ATF6: variants seen among roughly 807,000 people sequenced by gnomAD.
ATF6 encodes the protein cyclic AMP-dependent transcription factor ATF-6 alpha.
A neutral mutation model predicts 83.6 loss-of-function variants in ATF6; 53 were observed. The ratio of observed to expected loss-of-function variants is 0.63; its 90% CI spans 0.51 to 0.80. The LOEUF is 0.80. Among genes scored for constraint, ATF6 ranks in the 30% least tolerant of loss-of-function variants. The pLI, the probability that ATF6 is intolerant of heterozygous loss-of-function variation, is 0.00. For synonymous variants in ATF6, 288 were observed against 285.8 expected (o/e 1.01, Z -0.08); for missense variants, 744 against 797.9 (o/e 0.93, Z 0.81).
chr1:161,872,151 G>A (rs1687136425), intron 14 of ATF6, among the ~76,000 whole-genome samples: 1 of 151,574 alleles, frequency 6.6e-6, no homozygotes, highest in Non-Finnish European at 1.5e-5. Flanking sequence ...AGAACCTGAG[G>A]CAGTCGTGTC....
At chr1:161,799,919 C>T (rs1458371370) in intron 6 of ATF6, among the ~76,000 whole-genome samples, 1 of 152,098 alleles carries the variant, frequency 6.6e-6, no homozygotes, top group African/African-American at 2.4e-5. Flanking sequence ...ATGGGTCAAC[C>T]TGTCTGAAAG....
chr1:161,899,881 G>C (rs772107564), intron 14 of ATF6, among the ~76,000 whole-genome samples: 1 of 152,006 alleles, frequency 6.6e-6, no homozygotes, highest in African/African-American at 2.4e-5. Context: ...ATCACAGCAG[G>C]TTCTCAAAAA....
intron 1 of ATF6, among the ~76,000 whole-genome samples, chr1:161,777,876 A>G (rs1027236638): frequency 3.3e-5 from 5 of 152,212 alleles, no homozygotes; most frequent in Admixed American, 6.5e-5. Flanking sequence ...AACCATGTCT[A>G]CTTTCCACAG....
chr1:161,911,379 A>G (rs896969457), intron 14 of ATF6, among the ~76,000 whole-genome samples: 4 of 152,244 alleles, frequency 2.6e-5, no homozygotes, highest in African/African-American at 9.6e-5. Flanking sequence ...TAAGTCATTT[A>G]TAATCAGCCT....
At chr1:161,805,938 C>T (rs371433167) in intron 7 of ATF6, among the ~76,000 whole-genome samples, 1 of 152,036 alleles carries the variant, frequency 6.6e-6, no homozygotes, top group African/African-American at 2.4e-5. Context: ...CCATAAGTAG[C>T]GTTTTTAGCA....
At position 161,958,542 on chromosome 1, in the gene ATF6, C is replaced by T; in HGVS notation, c.1901C>T (p.Pro634Leu). 1.9e-6 allele frequency: 3 copies of T among 1,614,034 alleles called. No individual in the cohort carries two copies. Among genetic ancestry groups the T allele is most frequent in the Non-Finnish European group, 2.5e-6 (3 of 1,179,948 alleles). Residue 634 changes from proline (P) to leucine (L), a missense_variant, in exon 16 of 16, where the codon CCT (proline) becomes CTT (leucine). Physicochemically the swap from Pro to Leu is moderately conservative, Grantham distance 98 (BLOSUM62 -3). Coordinates refer to ENST00000367942, the MANE Select transcript of ATF6 (RefSeq NM_007348.4). ...RILHIKSSSVPPYLRDQQRNQ... is the reference protein window; with the variant it reads ...RILHIKSSSVLPYLRDQQRNQ... ...CTCCATATCAAAAGTTCGTCAGTTC[C>T]TCCTTACCTCCGAGATCAGCAGAGG...
At chr1:161,860,839 T>C (rs1686867696) in intron 13 of ATF6, among the ~76,000 whole-genome samples, 1 of 152,164 alleles carries the variant, frequency 6.6e-6, no homozygotes, top group South Asian at 2.1e-4. Flanking sequence ...CAATAATACT[T>C]AAGATTTTGA....
chr1:161,918,425 A>G (rs868630092), intron 15 of ATF6, among the ~76,000 whole-genome samples: 11 of 152,140 alleles, frequency 7.2e-5, no homozygotes, highest in Admixed American at 3.9e-4. Context: ...TATAAATAAA[A>G]CCATGCAAAA....
At chr1:161,834,783 A>C (rs533476234) in intron 9 of ATF6, among the ~76,000 whole-genome samples, 6 of 152,290 alleles carry the variant, frequency 3.9e-5, no homozygotes, top group Admixed American at 2.0e-4. Flanking sequence ...AATAATAATA[A>C]TAACAAAACA....
At chr1:161,776,949 A>G (rs933769634) in intron 1 of ATF6, among the ~76,000 whole-genome samples, 4 of 152,328 alleles carry the variant, frequency 2.6e-5, no homozygotes, top group South Asian at 2.1e-4. Context: ...AAGAACCAGC[A>G]AGGTAGGTCA....
intron 9 of ATF6, among the ~76,000 whole-genome samples, chr1:161,833,882 T>C (rs893205734): frequency 3.9e-5 from 6 of 152,058 alleles, no homozygotes; most frequent in Non-Finnish European, 7.4e-5. Context: ...CAGGCCAACA[T>C]TCAAATTCAG....
chr1:161,851,842 G>A lies in ATF6; in HGVS notation c.1433+7G>A. On this transcript the variant is annotated splice_region_variant and intron_variant, in intron 11 of 15. Transcript: ENST00000367942. ...ACACAACAGAGTCTCTCAGGTGAGT[G>A]TTGTAGATTATTGCAGAAACATCTG... 1 of 1,598,432 alleles carries A rather than the reference G, an allele frequency of 6.3e-7. No individual in the cohort carries two copies. The highest frequency in any genetic ancestry group is 8.6e-7 in the Non-Finnish European group (1 of 1,167,164).
intron 14 of ATF6, among the ~76,000 whole-genome samples, chr1:161,890,621 G>C (rs1450513476): frequency 6.6e-6 from 1 of 152,224 alleles, no homozygotes; most frequent in African/African-American, 2.4e-5. Flanking sequence ...GCGGCTTCGG[G>C]AACTAGATCC....
intron 14 of ATF6, among the ~76,000 whole-genome samples, chr1:161,910,562 C>G (rs551409206): frequency 6.6e-6 from 1 of 152,164 alleles, no homozygotes; most frequent in Non-Finnish European, 1.5e-5. Context: ...GCAGGAAACT[C>G]AGAATTAAGT....
intron 15 of ATF6, among the ~76,000 whole-genome samples, chr1:161,935,094 C>T (rs548140190): frequency 6.6e-6 from 1 of 152,290 alleles, no homozygotes; most frequent in East Asian, 1.9e-4. Context: ...TACTTATAAA[C>T]TAGGTGGAAT....
intron 12 of ATF6, among the ~76,000 whole-genome samples, chr1:161,855,438 T>G (rs1686736193): frequency 6.6e-6 from 1 of 152,170 alleles, no homozygotes; most frequent in African/African-American, 2.4e-5. Flanking sequence ...AAGTCAAGAA[T>G]TTTAAGTATG....
At chr1:161,838,285 T>G (rs1686271157) in intron 9 of ATF6, among the ~76,000 whole-genome samples, 7 of 152,238 alleles carry the variant, frequency 4.6e-5, no homozygotes, top group African/African-American at 1.7e-4. Context: ...CCTTTTATAT[T>G]AAACACTGAC....
intron 15 of ATF6, among the ~76,000 whole-genome samples, chr1:161,922,944 A>C (rs1171530425): frequency 3.9e-5 from 6 of 152,152 alleles, no homozygotes; most frequent in Non-Finnish European, 5.9e-5. Context: ...GATCTGATGT[A>C]CATGTAAAGA....
rs577027809 is a variant in ATF6, at chr1:161,814,581, A to G, written c.910-5052A>G. On this transcript the variant is annotated intron_variant, in intron 7 of 15. Coordinates refer to ENST00000367942, the MANE Select transcript of ATF6 (RefSeq NM_007348.4). ...TGCCAAATAAATGGTTCAGGTTGCCAGTATGAAGCTTCTTTAATTTTTGGC... is the reference window on the plus strand; with the variant it reads ...TGCCAAATAAATGGTTCAGGTTGCCGGTATGAAGCTTCTTTAATTTTTGGC... 7.2e-5 allele frequency among the ~76,000 whole-genome samples: 11 copies of G among 152,366 alleles called. No individual in the cohort carries two copies. The East Asian group carries it at 2.1e-3, about 29-fold the overall frequency.
Sources: allele counts gnomAD v4.1 joint callset (sites outside exome capture counted in the v4.1 genomes callset), GRCh38; gene constraint gnomAD v4.1.1; transcripts MANE v1.5; gene names NCBI Gene and HGNC (gene_info 2026-07-23, HGNC 2026-07-21).